CAB39L: variants seen among roughly 807,000 people sequenced by gnomAD.
CAB39L encodes calcium binding protein 39 like.
In CAB39L, 23 loss-of-function variants were observed where a neutral mutation model predicts 39.1. That is an observed-to-expected ratio of 0.59 (90% confidence interval 0.42 to 0.83). CAB39L has a LOEUF of 0.83. Among genes scored for constraint, CAB39L ranks in the 40% least tolerant of loss-of-function variants. The pLI, the probability that CAB39L is intolerant of heterozygous loss-of-function variation, is 0.00. For missense variants in CAB39L, 366 were observed against 391.9 expected (o/e 0.93, Z 0.56); for synonymous variants, 126 against 137.2 (o/e 0.92, Z 0.57).
intron 3 of CAB39L, among the ~76,000 whole-genome samples, chr13:49,411,273 G>A (rs1427990448): frequency 2.0e-5 from 3 of 151,802 alleles, no homozygotes; most frequent in Non-Finnish European, 4.4e-5. Flanking sequence ...AGCTGGGCAT[G>A]GCGGTGTGTG....
intron 7 of CAB39L, among the ~76,000 whole-genome samples, chr13:49,347,849 C>A (rs891412953): frequency 1.3e-5 from 2 of 152,078 alleles, no homozygotes; most frequent in African/African-American, 4.8e-5. Flanking sequence ...GGAGTCTGTT[C>A]CCAAGCCCTT....
At chr13:49,414,429 T>C (rs577823221) in intron 3 of CAB39L, among the ~76,000 whole-genome samples, 5 of 152,156 alleles carry the variant, frequency 3.3e-5, no homozygotes, top group South Asian at 4.1e-4. Flanking sequence ...CCTGAGAAAA[T>C]AGAGATGGCT....
intron 3 of CAB39L, among the ~76,000 whole-genome samples, chr13:49,424,615 G>A (rs1196456966): frequency 6.6e-6 from 1 of 152,168 alleles, no homozygotes; most frequent in Non-Finnish European, 1.5e-5. Context: ...ATGTTAATAT[G>A]TAACAGTTAA....
At position 49,374,344 on chromosome 13, in the gene CAB39L, T is replaced by C. The variant is rs1012932912; in HGVS notation, c.276+2623A>G. 1.2e-4 allele frequency among the ~76,000 whole-genome samples: 19 copies of C among 152,288 alleles called. No individual in the cohort carries two copies. In the South Asian group the frequency reaches 2.3e-3, roughly 18 times the overall value. ...TATATAATACATTTTATTTTAAAAA[T>C]TAAAGTAATCCACAAGAGTAATCAA... On this transcript the variant is annotated intron_variant, in intron 5 of 10. Transcript: ENST00000409308.
intron 3 of CAB39L, among the ~76,000 whole-genome samples, chr13:49,414,678 G>A (rs1050052572): frequency 5.9e-5 from 9 of 152,078 alleles, no homozygotes; most frequent in Non-Finnish European, 1.3e-4. Flanking sequence ...ACAACTATGT[G>A]TGTGTGTACA....
intron 5 of CAB39L, among the ~76,000 whole-genome samples, chr13:49,373,524 G>C (rs1005891636): frequency 1.3e-5 from 2 of 152,180 alleles, no homozygotes; most frequent in African/African-American, 4.8e-5. Flanking sequence ...AGCACCAGGA[G>C]AGGCTATTCA....
intron 9 of CAB39L, among the ~76,000 whole-genome samples, chr13:49,339,125 CTTTTT>C (rs1215081648): frequency 1.0e-5 from 1 of 99,920 alleles, no homozygotes; most frequent in Non-Finnish European, 2.0e-5. Flanking sequence ...TTTTACATGT[CTTTTT>C]TTTTTTTTTT....
intron 3 of CAB39L, 63 bp from the exon 4 acceptor site, chr13:49,383,004 C>T (rs1348461347): frequency 7.8e-6 from 5 of 641,432 alleles, no homozygotes; most frequent in South Asian, 2.0e-5. Context: ...AATTTTTATA[C>T]CAATGTCTTA....
chr13:49,311,017 T>G lies in CAB39L; in HGVS notation c.835-24A>C, dbSNP rs999887357. 10 of 1,607,412 alleles carry G rather than the reference T, an allele frequency of 6.2e-6. No homozygotes were observed. In the Admixed American group the frequency reaches 1.5e-4, roughly 24 times the overall value. The stretch of plus-strand genomic sequence containing the variant: ...ACCTGAAACAAAAAGAAACAAATAC[T>G]TAGGAGTGCAAGCCAGGGACCTCAC... On this transcript the variant is annotated intron_variant, in intron 10 of 10. Transcript: ENST00000409308.
intron 3 of CAB39L, chr13:49,413,028 G>A (rs1044464119): frequency 2.6e-5 from 4 of 152,138 alleles, no homozygotes; most frequent in African/African-American, 9.7e-5. Context: ...AGCCTAGTGT[G>A]ATACTAGGTT....
intron 2 of CAB39L, among the ~76,000 whole-genome samples, chr13:49,433,840 T>C (rs1342081122): frequency 3.3e-5 from 5 of 152,230 alleles, no homozygotes; most frequent in East Asian, 1.9e-4. Context: ...CATATTTCTA[T>C]TGTTTCCTAG....
intron 3 of CAB39L, among the ~76,000 whole-genome samples, chr13:49,427,037 T>G (rs1957255325): frequency 6.6e-6 from 1 of 152,190 alleles, no homozygotes; most frequent in Non-Finnish European, 1.5e-5. Flanking sequence ...AATCCTTTCT[T>G]TAGCATACTT....
At chr13:49,352,958 A>T (rs1336800561) in intron 6 of CAB39L, among the ~76,000 whole-genome samples, 2 of 152,256 alleles carry the variant, frequency 1.3e-5, no homozygotes, top group African/African-American at 2.4e-5. Context: ...CAGATTCAAG[A>T]ATAAAGATTC....
intron 5 of CAB39L, among the ~76,000 whole-genome samples, chr13:49,365,764 A>AT (rs1357789116): frequency 1.3e-5 from 2 of 152,220 alleles, no homozygotes; most frequent in Non-Finnish European, 2.9e-5. Flanking sequence ...ACAAATAGAG[A>AT]TACCATATGA....
chr13:49,311,031 C>T (rs1405516436), intron 10 of CAB39L, 38 bp from the exon 11 acceptor site: 2 of 1,593,200 alleles, frequency 1.3e-6, no homozygotes, highest in African/African-American at 2.7e-5. Context: ...GAGTGCAAGC[C>T]AGGGACCTCA....
chr13:49,326,863 C>T (rs1489674516), intron 10 of CAB39L, among the ~76,000 whole-genome samples: 4 of 152,126 alleles, frequency 2.6e-5, no homozygotes, highest in Admixed American at 2.6e-4. Flanking sequence ...TATAATACTG[C>T]ATTTTTGAAC....
rs1566079349 is a variant in CAB39L, at chr13:49,346,118, TA to T, written c.565-1881del. ...TATGCTAGATATATATATATATATA[TA>T]TATATCATGGATACAGCCAATAAAC... On this transcript the variant is annotated intron_variant, in intron 7 of 10. Coordinates refer to ENST00000409308, the MANE Select transcript of CAB39L (RefSeq NM_001079670.3). Among the ~76,000 whole-genome samples the T allele has an allele frequency of 1.9e-4, 11 of 56,796 alleles. 1 individual carries two copies. The highest frequency in any genetic ancestry group is 5.0e-4 in the African/African-American group (6 of 12,114). 37.3% of individuals were successfully genotyped at this position (56,796 alleles called of 152,430 possible).
rs34993624 is a variant in CAB39L at position 49,439,921 on chromosome 13, GTTTTTTTTTTT to G, written c.-246+4054_-246+4064del. Reference sequence around the variant, plus strand: ...ATGTCTTTTGACCACTTTTTAATGGGTTTTTTTTTTTTTTTTTTTTGCTTGTTGAATTAACT... The same window carrying G: ...ATGTCTTTTGACCACTTTTTAATGGGTTTTTTTTTGCTTGTTGAATTAACT... On this transcript the variant is annotated intron_variant, in intron 1 of 10. Coordinates refer to ENST00000409308, the MANE Select transcript of CAB39L (RefSeq NM_001079670.3). 6.4e-5 allele frequency among the ~76,000 whole-genome samples: 5 copies of G among 78,584 alleles called. No homozygotes were observed. In the East Asian group the frequency reaches 2.4e-3, roughly 38 times the overall value. 51.6% of individuals were successfully genotyped at this position (78,584 alleles called of 152,430 possible).
intron 10 of CAB39L, among the ~76,000 whole-genome samples, chr13:49,317,135 C>A (rs1371384710): frequency 6.6e-6 from 1 of 152,056 alleles, no homozygotes; most frequent in East Asian, 1.9e-4. Context: ...AAAACTAACA[C>A]AAGTGTACCG....
Sources: allele counts gnomAD v4.1 joint callset (sites outside exome capture counted in the v4.1 genomes callset), GRCh38; gene constraint gnomAD v4.1.1; transcripts MANE v1.5; gene names NCBI Gene and HGNC (gene_info 2026-07-23, HGNC 2026-07-21).